The following FER1L6 variants were observed in gnomAD, a reference collection of about 807,000 sequenced individuals.
FER1L6 encodes fer-1-like protein 6.
Under a neutral mutation model 219.2 loss-of-function variants are expected in FER1L6, and 177 were observed. The ratio of observed to expected loss-of-function variants is 0.81; its 90% CI spans 0.71 to 0.91. The LOEUF (loss-of-function observed/expected upper bound fraction) is 0.91. Among genes scored for constraint, FER1L6 ranks in the 40% least tolerant of loss-of-function variants. The pLI is 0.00. For synonymous variants in FER1L6, 768 were observed against 824.3 expected (o/e 0.93, Z 1.17); for missense variants, 2,153 against 2,259.9 (o/e 0.95, Z 0.96).
At chr8:123,914,196 T>C (rs576040412) in intron 1 of FER1L6, among the ~76,000 whole-genome samples, 1 of 152,260 alleles carries the variant, frequency 6.6e-6, no homozygotes, top group East Asian at 1.9e-4. Context: ...CAGAATACTT[T>C]CATCATGGTA....
intron 39 of FER1L6, among the ~76,000 whole-genome samples, chr8:124,109,698 C>T (rs1024341067): frequency 6.6e-6 from 1 of 152,138 alleles, no homozygotes; most frequent in African/African-American, 2.4e-5. Flanking sequence ...GCTCCTTCAG[C>T]AGTTCATTTT....
intron 1 of FER1L6, among the ~76,000 whole-genome samples, chr8:123,942,579 A>G (rs1293425493): frequency 6.6e-6 from 1 of 152,204 alleles, no homozygotes; most frequent in Non-Finnish European, 1.5e-5. Context: ...TGGCTCTTCC[A>G]GCTTCTGGTG....
At chr8:123,886,713 C>A (rs1186734392) in intron 1 of FER1L6, among the ~76,000 whole-genome samples, 1 of 151,998 alleles carries the variant, frequency 6.6e-6, no homozygotes, top group Non-Finnish European at 1.5e-5. Context: ...CTAATGTGTC[C>A]TGATTTGGAT....
chr8:124,069,913 T>C (rs1030598019), intron 29 of FER1L6, among the ~76,000 whole-genome samples: 5 of 152,088 alleles, frequency 3.3e-5, no homozygotes, highest in African/African-American at 9.7e-5. Context: ...AGGGTGAAAA[T>C]TATATATATA....
chr8:124,090,745 A>G (rs1821995316), intron 33 of FER1L6, among the ~76,000 whole-genome samples: 1 of 152,196 alleles, frequency 6.6e-6, no homozygotes, highest in Admixed American at 6.5e-5. Context: ...TTTTAAGGAA[A>G]GAATAGGTTG....
At chr8:124,113,586 G>A (rs933488107) in intron 39 of FER1L6, among the ~76,000 whole-genome samples, 2 of 152,074 alleles carry the variant, frequency 1.3e-5, no homozygotes, top group African/African-American at 4.8e-5. Context: ...TTATATAGCT[G>A]TTTCCTTTTC....
At chr8:123,982,332 C>T (rs1816359852) in intron 11 of FER1L6, among the ~76,000 whole-genome samples, 1 of 151,884 alleles carries the variant, frequency 6.6e-6, no homozygotes, top group Non-Finnish European at 1.5e-5. Context: ...TTTTCTTCAT[C>T]CAAGTCGAAA....
intron 8 of FER1L6, 46 bp downstream of exon 8, chr8:123,975,352 A>G (rs1426797036): frequency 6.6e-7 from 1 of 1,503,768 alleles, no homozygotes; most frequent in East Asian, 2.4e-5. Flanking sequence ...GATATGTCCA[A>G]TTTTAATCTC....
intron 1 of FER1L6, among the ~76,000 whole-genome samples, chr8:123,863,064 G>A (rs1816772742): frequency 7.4e-6 from 1 of 135,548 alleles, no homozygotes; most frequent in Admixed American, 7.1e-5. Flanking sequence ...TCTTTTAATT[G>A]TGATGTCAGG....
chr8:123,898,577 A>G (rs1478614898), intron 1 of FER1L6, among the ~76,000 whole-genome samples: 1 of 150,578 alleles, frequency 6.6e-6, no homozygotes, highest in Admixed American at 6.6e-5. Context: ...AATAGTCTCC[A>G]ATCTCATCCA....
At position 124,111,700 on chromosome 8, in the gene FER1L6, T is replaced by C. The variant is rs114074197; in HGVS notation, c.5290-7144T>C. 3.9e-3 allele frequency among the ~76,000 whole-genome samples: 599 copies of C among 152,304 alleles called. 2 individuals carry two copies. The highest frequency in any genetic ancestry group is 0.014 in the African/African-American group (568 of 41,564). On this transcript the variant is annotated intron_variant, in intron 39 of 40. Transcript: ENST00000522917. This position sits in a 1 kb window ranked among gnomAD's most constrained non-coding sequence, Gnocchi z 5.0. ...TTACCGTGGCATTTGTAAACTATCA[T>C]GGCACTCGCCGGTGGGAGTGTAGCA...
At chr8:124,051,671 T>C (rs1586641297) in intron 22 of FER1L6, among the ~76,000 whole-genome samples, 1 of 151,852 alleles carries the variant, frequency 6.6e-6, no homozygotes, top group Admixed American at 6.6e-5. Flanking sequence ...ATATGGCGAG[T>C]GAGAGCCTAG....
At chr8:124,039,820 T>C in intron 19 of FER1L6, 62 bp from the exon 20 acceptor site, 1 of 1,606,850 alleles carries the variant, frequency 6.2e-7, no homozygotes, top group South Asian at 1.1e-5. Context: ...CAGACACACA[T>C]GTGCACACAC....
intron 12 of FER1L6, among the ~76,000 whole-genome samples, chr8:123,986,885 A>G (rs934561758): frequency 6.6e-6 from 1 of 152,144 alleles, no homozygotes; most frequent in Non-Finnish European, 1.5e-5. Context: ...TCCATTGTGT[A>G]TCTGTATCAC....
intron 3 of FER1L6, 129 bp from the exon 4 acceptor site, chr8:123,965,878 C>T: frequency 1.2e-6 from 1 of 848,086 alleles, no homozygotes; most frequent in Non-Finnish European, 1.8e-6. Flanking sequence ...TACTTATCTC[C>T]CCCAGAGATG....
At chr8:123,968,673 G>A (rs998051919) in intron 5 of FER1L6, among the ~76,000 whole-genome samples, 1 of 152,184 alleles carries the variant, frequency 6.6e-6, no homozygotes, top group Non-Finnish European at 1.5e-5. Context: ...GAAATTTCCT[G>A]AAATGTTGTA....
In FER1L6 at chr8:124,042,179, G is replaced by T. The variant is rs1819531067; in HGVS notation, c.2589+2173G>T. Among the ~76,000 whole-genome samples the T allele has an allele frequency of 1.3e-5, 2 of 152,180 alleles. 1 individual carries two copies. Among genetic ancestry groups the T allele is most frequent in the Admixed American group, 1.3e-4 (2 of 15,284 alleles). ...TGCTGTGTAATTATCCTTGTATTTTGTATCTCCATACAGCATCTTCATTTG... is the reference window on the plus strand; with the variant it reads ...TGCTGTGTAATTATCCTTGTATTTTTTATCTCCATACAGCATCTTCATTTG... On this transcript the variant is annotated intron_variant, in intron 20 of 40. Transcript: ENST00000522917.
In FER1L6 at chr8:123,922,420, A is replaced by G. The variant is rs114551939; in HGVS notation, c.-7-33572A>G. Among the ~76,000 whole-genome samples, 1,253 of 152,348 alleles carry G rather than the reference A, an allele frequency of 8.2e-3. 16 individuals are homozygous for G. Among genetic ancestry groups the G allele is most frequent in the African/African-American group, 0.028 (1,173 of 41,574 alleles). ...GAAAGAATCCTCAGGTTGCAGCAAG[A>G]GAAGCTGGTGTGCCATTCTTCCGGC... On this transcript the variant is annotated intron_variant, in intron 1 of 40. Coordinates refer to ENST00000522917, the MANE Select transcript of FER1L6 (RefSeq NM_001039112.2).
chr8:123,904,087 T>C (rs190130457), intron 1 of FER1L6, among the ~76,000 whole-genome samples: 1 of 152,206 alleles, frequency 6.6e-6, no homozygotes, highest in Non-Finnish European at 1.5e-5. Flanking sequence ...ATGTGTAGAA[T>C]TGTTGCCCTG....
Sources: allele counts gnomAD v4.1 joint callset (sites outside exome capture counted in the v4.1 genomes callset), GRCh38; gene constraint gnomAD v4.1.1; non-coding constraint Gnocchi (gnomAD v3.1); transcripts MANE v1.5; gene names NCBI Gene and HGNC (gene_info 2026-07-23, HGNC 2026-07-21).